CACNG2: variants seen among roughly 807,000 people sequenced by gnomAD.
CACNG2 encodes the protein calcium voltage-gated channel auxiliary subunit gamma 2, also known as voltage-dependent calcium channel gamma-2 subunit.
Under a neutral mutation model 25.9 loss-of-function variants are expected in CACNG2, and 3 were observed. That is an observed-to-expected ratio of 0.12 (90% CI 0.05 to 0.30). CACNG2 has a LOEUF of 0.30. CACNG2 is among the 10% of genes least tolerant of loss of function. The pLI is 1.00. For synonymous variants in CACNG2, 167 were observed against 173.3 expected, an observed-to-expected ratio of 0.96 and a Z score of 0.29; for missense variants, 341 against 432.5, an observed-to-expected ratio of 0.79 and a Z score of 1.88.
chr22:36,612,067 G>A (rs1001051725), intron 1 of CACNG2, among the ~76,000 whole-genome samples: 4 of 152,214 alleles, frequency 2.6e-5, no homozygotes, highest in African/African-American at 9.7e-5. Context: ...GCAGACTCCA[G>A]CAATCCAAGT....
At chr22:36,647,531 G>A (rs1387541759) in intron 1 of CACNG2, among the ~76,000 whole-genome samples, 3 of 152,080 alleles carry the variant, frequency 2.0e-5, no homozygotes, top group Non-Finnish European at 2.9e-5. Context: ...AGGAGGTGGA[G>A]GTTTCAGTGA....
At chr22:36,666,974 C>T (rs368876059) in intron 1 of CACNG2, among the ~76,000 whole-genome samples, 34 of 151,722 alleles carry the variant, frequency 2.2e-4, no homozygotes, top group Middle Eastern at 3.4e-3. Context: ...TTGACTCACA[C>T]GCAACATGGG....
intron 1 of CACNG2, among the ~76,000 whole-genome samples, chr22:36,591,059 C>T (rs1363495361): frequency 4.0e-5 from 6 of 151,056 alleles, no homozygotes; most frequent in Non-Finnish European, 7.4e-5. Context: ...TTTTTTGAGA[C>T]GGTGTCTTGC....
chr22:36,583,175 C>CTG (rs201780780), intron 2 of CACNG2, among the ~76,000 whole-genome samples: 2,967 of 80,838 alleles, frequency 0.037, 94 homozygotes, highest in African/African-American at 0.14. Flanking sequence ...TGGCTCACAC[C>CTG]TATTCGCAGC....
intron 1 of CACNG2, among the ~76,000 whole-genome samples, chr22:36,641,254 C>G (rs1469991882): frequency 6.6e-6 from 1 of 152,160 alleles, no homozygotes; most frequent in Admixed American, 6.5e-5. Context: ...GTCCGCAGAG[C>G]CCACGAGGGG....
chr22:36,680,795 A>G (rs935519026), intron 1 of CACNG2, among the ~76,000 whole-genome samples: 2 of 142,898 alleles, frequency 1.4e-5, no homozygotes, highest in Admixed American at 1.4e-4. Context: ...CGTTATTGTC[A>G]CCATCAATCA....
intron 1 of CACNG2, among the ~76,000 whole-genome samples, chr22:36,699,615 T>C (rs1298568177): frequency 3.5e-5 from 5 of 142,716 alleles, no homozygotes; most frequent in East Asian, 2.2e-4. Context: ...TTTCTCCAGA[T>C]TGGGCAGAAA....
intron 2 of CACNG2, among the ~76,000 whole-genome samples, chr22:36,583,015 C>T (rs1000065289): frequency 3.3e-5 from 5 of 151,926 alleles, no homozygotes; most frequent in African/African-American, 9.7e-5. Flanking sequence ...GGGGCCCAAG[C>T]GTTGTGCGTT....
At chr22:36,579,302 G>C (rs1213212856) in intron 2 of CACNG2, among the ~76,000 whole-genome samples, 2 of 149,090 alleles carry the variant, frequency 1.3e-5, no homozygotes, top group Admixed American at 1.4e-4. Context: ...TACTTGGGAG[G>C]ATGAGGCAGG....
chr22:36,669,922 A>G (rs2145991821), intron 1 of CACNG2, among the ~76,000 whole-genome samples: 1 of 152,274 alleles, frequency 6.6e-6, no homozygotes, highest in South Asian at 2.1e-4. Context: ...CATGTTGGCC[A>G]GGCTGGTCTC....
At chr22:36,577,650 GAAA>G (rs544986089) in intron 2 of CACNG2, among the ~76,000 whole-genome samples, 109 of 114,442 alleles carry the variant, frequency 9.5e-4, no homozygotes, top group Non-Finnish European at 1.2e-3. Context: ...CTCCGTCTTG[GAAA>G]AAAAAAAAAA....
At chr22:36,658,499 A>T (rs1403389476) in intron 1 of CACNG2, among the ~76,000 whole-genome samples, 3 of 152,160 alleles carry the variant, frequency 2.0e-5, no homozygotes, top group Non-Finnish European at 4.4e-5. Flanking sequence ...TACTTCTCCC[A>T]TTTTCTAGAT....
intron 1 of CACNG2, among the ~76,000 whole-genome samples, chr22:36,649,062 G>A (rs1936569922): frequency 6.6e-6 from 1 of 152,164 alleles, no homozygotes; most frequent in South Asian, 2.1e-4. Flanking sequence ...ATTGGCTTTT[G>A]CCTTTCTCAT....
chr22:36,681,344 A>AT (rs1214198984), intron 1 of CACNG2, among the ~76,000 whole-genome samples: 1 of 152,142 alleles, frequency 6.6e-6, no homozygotes, highest in Admixed American at 6.5e-5. Flanking sequence ...CAACTACATG[A>AT]TTTTTTCTCT....
intron 1 of CACNG2, among the ~76,000 whole-genome samples, chr22:36,687,404 G>C (rs1937215274): frequency 6.6e-6 from 1 of 152,160 alleles, no homozygotes; most frequent in African/African-American, 2.4e-5. Context: ...GTGACACTAG[G>C]TTGTGAACAA....
chr22:36,583,294 G>A lies in CACNG2; in HGVS notation c.295+4171C>T, dbSNP rs962263968. ...CTAAAAATACAAAAATTAGCCAGAT[G>A]TGGTGGCGGGTGCCTGTAATCCCAG... On this transcript the variant is annotated intron_variant, in intron 2 of 3. Transcript: ENST00000300105. Among the ~76,000 whole-genome samples, 3 of 152,118 alleles carry A rather than the reference G, an allele frequency of 2.0e-5. No homozygotes were observed. The East Asian group carries it at 5.8e-4, about 29-fold the overall frequency.
chr22:36,635,940 T>C (rs1936350501), intron 1 of CACNG2, among the ~76,000 whole-genome samples: 1 of 152,244 alleles, frequency 6.6e-6, no homozygotes, highest in South Asian at 2.1e-4. Context: ...TCTTTGTCTC[T>C]GCTGCTGCCT....
chr22:36,621,390 C>T (rs769670296), intron 1 of CACNG2, among the ~76,000 whole-genome samples: 24 of 151,906 alleles, frequency 1.6e-4, no homozygotes, highest in South Asian at 2.1e-4. Flanking sequence ...GCCCACATGG[C>T]GAAACCTCAT....
intron 1 of CACNG2, among the ~76,000 whole-genome samples, chr22:36,641,169 T>G (rs1936437667): frequency 6.6e-6 from 1 of 152,178 alleles, no homozygotes; most frequent in South Asian, 2.1e-4. Context: ...CCTGCTTTAT[T>G]TTTCTGCAGA....
Sources: gnomAD v4.1 joint callset for allele counts (sites outside exome capture counted in the v4.1 genomes callset) on GRCh38, gnomAD v4.1.1 for gene constraint, MANE v1.5 for transcripts, NCBI Gene and HGNC (gene_info 2026-07-23, HGNC 2026-07-21) for gene names.